The following FGF13 variants were observed in gnomAD, a reference collection of about 807,000 sequenced individuals.
The protein encoded by FGF13 is fibroblast growth factor homologous factor 2.
Under a neutral mutation model 19.5 loss-of-function variants are expected in FGF13, and 2 were observed. The observed-to-expected ratio is 0.10, with a 90% CI of 0.04 to 0.32. The LOEUF is 0.32. Ranked by LOEUF, FGF13 falls within the 10% of genes least tolerant of loss-of-function variation. The pLI is 1.00. For missense variants in FGF13, 113 were observed against 192.7 expected (o/e 0.59, Z 2.45); for synonymous variants, 72 against 76.9 (o/e 0.94, Z 0.33).
chrX:138,737,787 GTATCCTGAGTAAAGAGGCATA>G (rs2090289592), intron 1 of FGF13, among the ~76,000 whole-genome samples: 1 of 111,987 alleles, frequency 8.9e-6, no homozygotes, highest in Non-Finnish European at 1.9e-5. Flanking sequence ...CACATATACT[GTATCCTGAGTAAAGAGGCATA>G]TAGTCTGTAG....
intron 3 of FGF13, among the ~76,000 whole-genome samples, chrX:138,645,671 G>A (rs1046520226): frequency 9.0e-6 from 1 of 111,696 alleles, no homozygotes; most frequent in African/African-American, 3.3e-5. Context: ...TCCCCACCCC[G>A]CAACTTGAAA....
chrX:138,680,059 T>C (rs966664302), intron 3 of FGF13, among the ~76,000 whole-genome samples: 6 of 112,445 alleles, frequency 5.3e-5, no homozygotes, highest in Non-Finnish European at 1.1e-4. Context: ...AAGAAATTCT[T>C]TGCTCATCCA....
At chrX:138,899,305 T>A (rs1408335930) in intron 1 of FGF13, among the ~76,000 whole-genome samples, 1 of 111,047 alleles carries the variant, frequency 9.0e-6, no homozygotes, top group African/African-American at 3.3e-5. Flanking sequence ...AAGCTTGTAT[T>A]TAAATACAAA....
At chrX:139,137,966 G>C (rs201703009) in intron 1 of FGF13, among the ~76,000 whole-genome samples, 1 of 112,129 alleles carries the variant, frequency 8.9e-6, no homozygotes, top group East Asian at 2.8e-4. Flanking sequence ...CAGAGTAATG[G>C]TTAAAAAGTG....
chrX:138,999,264 C>A (rs1603112358), intron 1 of FGF13, among the ~76,000 whole-genome samples: 1 of 111,705 alleles, frequency 9.0e-6, no homozygotes, highest in East Asian at 2.8e-4. Context: ...TCTCACATCA[C>A]AATTAAAAGA....
At chrX:138,847,468 G>A (rs2091190744) in intron 3 of FGF13, among the ~76,000 whole-genome samples, 2 of 111,393 alleles carry the variant, frequency 1.8e-5, no homozygotes, top group South Asian at 7.5e-4. Context: ...AAATAGCTAG[G>A]GCTCATAAGT....
chrX:139,144,323 C>T (rs2083869695), intron 1 of FGF13, among the ~76,000 whole-genome samples: 1 of 112,310 alleles, frequency 8.9e-6, no homozygotes, highest in African/African-American at 3.2e-5. Context: ...AAGCCAGAAA[C>T]CCTGGAGACA....
At chrX:138,634,992 T>C (rs893497309) in intron 4 of FGF13, among the ~76,000 whole-genome samples, 2 of 111,950 alleles carry the variant, frequency 1.8e-5, no homozygotes, top group African/African-American at 6.5e-5. Flanking sequence ...GGAACCAACT[T>C]AAGTGCCCAT....
intron 3 of FGF13, among the ~76,000 whole-genome samples, chrX:138,747,533 A>G (rs1415949968): frequency 9.8e-5 from 11 of 111,917 alleles, no homozygotes; most frequent in Non-Finnish European, 3.8e-5. Context: ...AAACTCCGGA[A>G]TAAACATACT....
intron 3 of FGF13, among the ~76,000 whole-genome samples, chrX:138,833,512 T>A (rs1457104225): frequency 8.9e-6 from 1 of 112,151 alleles, no homozygotes; most frequent in African/African-American, 3.2e-5. Context: ...TGATTTTGTA[T>A]CCTGAGACTT....
intron 1 of FGF13, among the ~76,000 whole-genome samples, chrX:138,916,105 T>C (rs1387512621): frequency 8.9e-6 from 1 of 111,952 alleles, no homozygotes; most frequent in Non-Finnish European, 1.9e-5. Context: ...CTCCAGAGCT[T>C]TGGGAGACCT....
In FGF13 at chrX:138,623,314, C is replaced by A. The variant is rs1252901246; in HGVS notation, c.*9536G>T. The A allele has an allele frequency of 9.0e-6, 1 of 111,033 alleles. No homozygotes were observed. Among genetic ancestry groups the A allele is most frequent in the South Asian group, 3.8e-4 (1 of 2,663 alleles). The allele number at this position is 111,033 out of a possible 1,213,427, so 9.2% of individuals were successfully genotyped here. On this transcript the variant is annotated 3_prime_UTR_variant, in exon 5 of 5. Transcript: ENST00000315930. ...AATGGTATGAGAATAATGCTGGCTT[C>A]ATAAAATGAGTTTGGAAGTGCTCCT...
At chrX:138,933,492 A>T (rs647944) in intron 1 of FGF13, among the ~76,000 whole-genome samples, 4 of 109,883 alleles carry the variant, frequency 3.6e-5, no homozygotes, top group Non-Finnish European at 7.6e-5. Flanking sequence ...AAACAGTGAG[A>T]GGCTGTCAAA....
Position 139,182,476 on chromosome X carries a change from C to T in FGF13, c.-113+20940G>A, listed in dbSNP as rs2084248073. ...GCTTCTTCTGAAATTGCGTATTGTTCTAGTTCATATAGTATTAAACGTTCT... is the reference window on the plus strand; with the variant it reads ...GCTTCTTCTGAAATTGCGTATTGTTTTAGTTCATATAGTATTAAACGTTCT... On this transcript the variant is annotated intron_variant, in intron 1 of 2. Coordinates refer to the FGF13 transcript ENST00000421460. Among the ~76,000 whole-genome samples, 4 of 112,064 alleles carry T rather than the reference C, an allele frequency of 3.6e-5. No individual in the cohort carries two copies. In the South Asian group the frequency reaches 1.5e-3, roughly 42 times the overall value.
At chrX:138,792,492 T>G (rs1370561119) in intron 3 of FGF13, among the ~76,000 whole-genome samples, 1 of 111,813 alleles carries the variant, frequency 8.9e-6, no homozygotes, top group East Asian at 2.8e-4. Context: ...CAGGTGAGCA[T>G]TCTGAGTCCT....
chrX:138,951,355 T>C (rs1477947186), intron 1 of FGF13, among the ~76,000 whole-genome samples: 1 of 111,507 alleles, frequency 9.0e-6, no homozygotes, highest in African/African-American at 3.3e-5. Context: ...GACCTTGGAG[T>C]TGGCAAATAT....
At chrX:139,067,187 G>A (rs959098764) in intron 1 of FGF13, among the ~76,000 whole-genome samples, 6 of 111,604 alleles carry the variant, frequency 5.4e-5, no homozygotes, top group Non-Finnish European at 9.4e-5. Flanking sequence ...TACTGAATGG[G>A]CAAAAACTGG....
At chrX:138,770,932 T>C (rs2090540590) in intron 3 of FGF13, among the ~76,000 whole-genome samples, 1 of 110,790 alleles carries the variant, frequency 9.0e-6, no homozygotes, top group Non-Finnish European at 1.9e-5. Flanking sequence ...GGTGCAAGGT[T>C]TGAAAAGCAG....
chrX:138,742,332 A>G (rs748916902), upstream of FGF13, among the ~76,000 whole-genome samples: 27 of 112,288 alleles, frequency 2.4e-4, no homozygotes, highest in African/African-American at 7.7e-4. Context: ...ACATATTCAC[A>G]GGTTAGAGTG....
Sources: gnomAD v4.1 joint callset for allele counts (sites outside exome capture counted in the v4.1 genomes callset) on GRCh38, gnomAD v4.1.1 for gene constraint, MANE v1.5 for transcripts, NCBI Gene and HGNC (gene_info 2026-07-23, HGNC 2026-07-21) for gene names.